PDS5A: variants seen among roughly 807,000 people sequenced by gnomAD.
PDS5A encodes sister chromatid cohesion protein PDS5 homolog A.
Under a neutral mutation model 167.1 loss-of-function variants are expected in PDS5A, and 42 were observed. The ratio of observed to expected loss-of-function variants is 0.25; its 90% confidence interval spans 0.20 to 0.33. The LOEUF is 0.33. Ranked by LOEUF, PDS5A falls within the 10% of genes least tolerant of loss-of-function variation. The probability of loss-of-function intolerance (pLI) is 1.00; values close to 1 mark genes in which losing one functional copy is unlikely to be tolerated. For synonymous variants in PDS5A, 553 were observed against 554.6 expected, an observed-to-expected ratio of 1.00 and a Z score of 0.04; for missense variants, 1,033 against 1,605.9, an observed-to-expected ratio of 0.64 and a Z score of 6.10.
chr4:39,898,719 AAT>A, intron 15 of PDS5A, 56 bp downstream of exon 15: 1 of 1,105,262 alleles, frequency 9.0e-7, no homozygotes, highest in South Asian at 1.4e-5. Context: ...CCACTGGGTA[AAT>A]ACTTTGTCTG....
chr4:39,949,371 G>C (rs1297368597), intron 2 of PDS5A, among the ~76,000 whole-genome samples: 1 of 150,002 alleles, frequency 6.7e-6, no homozygotes, highest in Admixed American at 6.7e-5. Flanking sequence ...AAATATGCCA[G>C]CCACAACAGA....
chr4:39,918,287 C>A (rs1182234412), intron 7 of PDS5A, among the ~76,000 whole-genome samples: 2 of 148,912 alleles, frequency 1.3e-5, no homozygotes, highest in African/African-American at 4.9e-5. Context: ...TCTTTTAATA[C>A]TCAGAGAAAG....
intron 16 of PDS5A, among the ~76,000 whole-genome samples, chr4:39,893,772 C>T (rs983246035): frequency 6.6e-6 from 1 of 152,164 alleles, no homozygotes; most frequent in Non-Finnish European, 1.5e-5. Flanking sequence ...TATGAGAACA[C>T]ATAGTTAAAT....
chr4:39,916,649 C>T (rs536389942), intron 8 of PDS5A, among the ~76,000 whole-genome samples: 84 of 152,096 alleles, frequency 5.5e-4, no homozygotes, highest in African/African-American at 2.0e-3. Flanking sequence ...GGGCAGATCA[C>T]AAGGTCAAGA....
chr4:39,888,087 T>TA (rs770229202), intron 17 of PDS5A, among the ~76,000 whole-genome samples: 2 of 151,650 alleles, frequency 1.3e-5, no homozygotes, highest in Non-Finnish European at 2.9e-5. Flanking sequence ...CGGTCTCTAC[T>TA]AAAAAACAAA....
In PDS5A at chr4:39,971,012, TCCTCCCACCTTGA is replaced by T. The variant is rs145784584; in HGVS notation, c.138+5415_138+5427del. Among the ~76,000 whole-genome samples, 132 of 151,762 alleles carry T rather than the reference TCCTCCCACCTTGA, an allele frequency of 8.7e-4. 2 individuals carry two copies. In the East Asian group the frequency reaches 0.021, roughly 24 times the overall value. ...ATCTCAAATTCCTGGGCTCAAGTGT[TCCTCCCACCTTGA>T]CCTCCTGAAGTGCTGGGATTACACA... On this transcript the variant is annotated intron_variant, in intron 2 of 32. Coordinates refer to ENST00000303538, the MANE Select transcript of PDS5A (RefSeq NM_001100399.2).
At chr4:39,873,364 AAAAAT>A (rs1414685875) in intron 20 of PDS5A, among the ~76,000 whole-genome samples, 2 of 152,338 alleles carry the variant, frequency 1.3e-5, no homozygotes, top group African/African-American at 4.8e-5. Flanking sequence ...AGATAAAAGA[AAAAAT>A]AAAATCCAAC....
At chr4:39,921,380 T>A (rs576967874) in intron 6 of PDS5A, among the ~76,000 whole-genome samples, 1 of 152,026 alleles carries the variant, frequency 6.6e-6, no homozygotes, top group Non-Finnish European at 1.5e-5. Context: ...AAGGATAAGA[T>A]TTGCTTAAAA....
intron 2 of PDS5A, among the ~76,000 whole-genome samples, chr4:39,945,443 A>G (rs1024532066): frequency 2.1e-5 from 3 of 143,674 alleles, no homozygotes; most frequent in African/African-American, 7.9e-5. Context: ...CCTGGGCGAC[A>G]GAGCGAGACT....
At chr4:39,851,439 C>T (rs1412376382) in intron 26 of PDS5A, among the ~76,000 whole-genome samples, 2 of 152,106 alleles carry the variant, frequency 1.3e-5, no homozygotes, top group African/African-American at 2.4e-5. Context: ...GCTGGGGCTA[C>T]AGGCATGTGC....
At chr4:39,907,962 T>C (rs909979080) in intron 11 of PDS5A, among the ~76,000 whole-genome samples, 1 of 152,208 alleles carries the variant, frequency 6.6e-6, no homozygotes. Context: ...TTATTGTCCT[T>C]AGCTTGGCAC....
At chr4:39,973,965 A>C in intron 2 of PDS5A, 1 of 504,352 alleles carries the variant, frequency 2.0e-6, no homozygotes, top group South Asian at 2.0e-5. Context: ...TCTACTAAAA[A>C]AATACAAAAA....
intron 2 of PDS5A, among the ~76,000 whole-genome samples, chr4:39,965,592 G>T (rs577526844): frequency 6.6e-6 from 1 of 152,210 alleles, no homozygotes; most frequent in Non-Finnish European, 1.5e-5. Context: ...AATAACACAT[G>T]CTATAATACG....
intron 11 of PDS5A, among the ~76,000 whole-genome samples, chr4:39,906,186 G>A (rs1723325614): frequency 6.6e-6 from 1 of 152,104 alleles, no homozygotes; most frequent in African/African-American, 2.4e-5. Flanking sequence ...TGGGCAACAT[G>A]GTGAAACCCC....
At chr4:39,951,920 A>AAAAAAAC (rs58625322) in intron 2 of PDS5A, among the ~76,000 whole-genome samples, 1 of 150,928 alleles carries the variant, frequency 6.6e-6, no homozygotes, top group Admixed American at 6.6e-5. Flanking sequence ...AAAAAAAAAA[A>AAAAAAAC]TCTGTATCAC....
At chr4:39,852,682 C>T (rs1211010126) in intron 26 of PDS5A, among the ~76,000 whole-genome samples, 1 of 152,100 alleles carries the variant, frequency 6.6e-6, no homozygotes, top group Non-Finnish European at 1.5e-5. Context: ...GTTATTCTTC[C>T]AGGTTTATGT....
At chr4:39,901,123 C>T (rs144650971) in intron 13 of PDS5A, among the ~76,000 whole-genome samples, 494 of 152,268 alleles carry the variant, frequency 3.2e-3, no homozygotes, top group Middle Eastern at 6.8e-3. Context: ...CTGAGAATTA[C>T]TAATCTCTAA....
chr4:39,833,780 C>T (rs759374587), intron 32 of PDS5A, among the ~76,000 whole-genome samples: 9 of 152,028 alleles, frequency 5.9e-5, no homozygotes, highest in Admixed American at 1.3e-4. Flanking sequence ...TTGTTTCTGC[C>T]GATTCAAGAG....
intron 26 of PDS5A, among the ~76,000 whole-genome samples, chr4:39,861,349 T>A (rs978006724): frequency 1.3e-5 from 2 of 151,924 alleles, no homozygotes; most frequent in African/African-American, 2.4e-5. Context: ...TCCCAGCTAC[T>A]CGGGAGGCTG....
Sources: allele counts gnomAD v4.1 joint callset (sites outside exome capture counted in the v4.1 genomes callset), GRCh38; gene constraint gnomAD v4.1.1; transcripts MANE v1.5; gene names NCBI Gene and HGNC (gene_info 2026-07-23, HGNC 2026-07-21).